The following CCDC136 variants were observed in gnomAD, a reference collection of about 807,000 sequenced individuals.
The protein encoded by CCDC136 is coiled-coil domain-containing protein 136.
In CCDC136, 100 loss-of-function variants were observed where a neutral mutation model predicts 141.2. The ratio of observed to expected loss-of-function variants is 0.71; its 90% CI spans 0.60 to 0.84. The LOEUF (loss-of-function observed/expected upper bound fraction) is 0.84. Among genes scored for constraint, CCDC136 ranks in the 40% least tolerant of loss-of-function variants. CCDC136 has a pLI of 0.00. For missense variants in CCDC136, 1,206 were observed against 1,379.4 expected (o/e 0.87, Z 1.99); for synonymous variants, 474 against 531.9 (o/e 0.89, Z 1.50).
At chr7:128,791,734 T>G, upstream of CCDC136, 1 of 426,882 alleles carries the variant, frequency 2.3e-6, no homozygotes. This position sits in a 1 kb window ranked among gnomAD's most constrained non-coding sequence, Gnocchi z 7.1. Flanking sequence ...GGACTGAGGC[T>G]TCCGCGCACC....
chr7:128,805,856 T>G lies in CCDC136; in HGVS notation c.1044T>G (p.Ala348=), dbSNP rs1246990652. ...QRRLQRELKC[A]QNEVLRFQTS... ...GGCTGCAGAGGGAGCTCAAGTGTGC[T>G]CAGAATGAGGTGCTTCGGTTTCAGA... The change falls in exon 7 of 18, where the codon GCT becomes GCG. Residue 348 remains alanine (A), a synonymous_variant. Coordinates refer to ENST00000297788, the MANE Select transcript of CCDC136 (RefSeq NM_022742.5). This position sits in a 1 kb window ranked among gnomAD's most constrained non-coding sequence, Gnocchi z 4.6. 17 of 1,613,804 alleles carry G rather than the reference T, an allele frequency of 1.1e-5. No individual in the cohort carries two copies. Among genetic ancestry groups the G allele is most frequent in the Non-Finnish European group, 1.4e-5 (17 of 1,179,900 alleles).
At chr7:128,796,722 A>AATATATATATATATATATATATATATAT (rs149502865) in intron 3 of CCDC136, among the ~76,000 whole-genome samples, 6 of 120,720 alleles carry the variant, frequency 5.0e-5, no homozygotes, top group African/African-American at 8.6e-5. Context: ...GATGATTCAG[A>AATATATATATATATATATATATATATAT]ATATATATAT....
At position 128,806,762 on chromosome 7, in the gene CCDC136, A is replaced by G. The variant is rs1585091165; in HGVS notation, c.1323A>G (p.Glu441=). ...CATGTGAGAAGGAAAAGCTGCTGGAACGGCAGCAGCAGCTGCAGGAGGAGC... is the reference window on the plus strand; with the variant it reads ...CATGTGAGAAGGAAAAGCTGCTGGAGCGGCAGCAGCAGCTGCAGGAGGAGC... ...NVTCEKEKLL[E]RQQQLQEELQ... is the part of the protein sequence containing the mutation. The change falls in exon 9 of 18, where the codon GAA becomes GAG. Residue 441 remains glutamate (E), a synonymous_variant. Transcript: ENST00000297788. 6.2e-7 allele frequency: 1 copy of G among 1,611,556 alleles called. No individual in the cohort carries two copies. The highest frequency in any genetic ancestry group is 1.3e-5 in the African/African-American group (1 of 75,026).
chr7:128,819,535 C>T (rs1807153155), intron 17 of CCDC136, among the ~76,000 whole-genome samples: 1 of 152,076 alleles, frequency 6.6e-6, no homozygotes, highest in African/African-American at 2.4e-5. Context: ...TATAAAATAC[C>T]CCATCATTAA....
Position 128,806,865 on chromosome 7 carries a change from G to A in CCDC136, c.1419+7G>A. 1 of 1,594,096 alleles carries A rather than the reference G, an allele frequency of 6.3e-7. No individual in the cohort carries two copies. Among genetic ancestry groups the A allele is most frequent in the Non-Finnish European group, 8.6e-7 (1 of 1,168,698 alleles). On this transcript the variant is annotated splice_region_variant and intron_variant, in intron 9 of 17. Coordinates refer to ENST00000297788, the MANE Select transcript of CCDC136 (RefSeq NM_022742.5). ...CAAAGAGAGCAATGAGAAGGTAAAA[G>A]AAGCTCCTGGTGAGGGAGGATGTAG...
Position 128,821,904 on chromosome 7 carries a change from G to A in CCDC136, c.*111G>A, listed in dbSNP as rs1177356414. ...GCAGGAGTCAGAGTTCTGCCTCATGGAGTGATGGCAGACCTTGGCCAGCGC... is the reference window on the plus strand; with the variant it reads ...GCAGGAGTCAGAGTTCTGCCTCATGAAGTGATGGCAGACCTTGGCCAGCGC... On this transcript the variant is annotated 3_prime_UTR_variant, in exon 18 of 18. Coordinates refer to ENST00000297788, the MANE Select transcript of CCDC136 (RefSeq NM_022742.5). The surrounding 1 kb of genome is among the most constrained non-coding windows in gnomAD (Gnocchi z 5.1). 7.8e-7 allele frequency: 1 copy of A among 1,289,944 alleles called. No homozygotes were observed. Among genetic ancestry groups the A allele is most frequent in the African/African-American group, 1.5e-5 (1 of 65,976 alleles). 79.9% of individuals were successfully genotyped at this position (1,289,944 alleles called of 1,614,324 possible). A position where few individuals can be genotyped will look rare whatever the true frequency, so the allele number is the denominator to read the frequency against.
chr7:128,792,346 T>C lies in CCDC136; in HGVS notation c.-66T>C, dbSNP rs1329157908. 1 of 1,425,150 alleles carries C rather than the reference T, an allele frequency of 7.0e-7. No homozygotes were observed. The highest frequency in any genetic ancestry group is 9.4e-7 in the Non-Finnish European group (1 of 1,064,400). The allele number at this position is 1,425,150 out of a possible 1,614,324, so 88.3% of individuals were successfully genotyped here. ...ACCCACAGTGACCACTCTAGGCTCC[T>C]ATGAGGCTTCCGAGGGCTGTGAGAG... On this transcript the variant is annotated 5_prime_UTR_variant, in exon 1 of 18. Transcript: ENST00000297788.
At position 128,806,695 on chromosome 7, in the gene CCDC136, T is replaced by C. The variant is rs925478575; in HGVS notation, c.1256T>C (p.Leu419Pro). Residue 419 changes from leucine (L) to proline (P), a missense_variant, in exon 9 of 18, where the codon CTG becomes CCG. Transcript: ENST00000297788. ...LVENQSEKEL[L>P]CRLQKLHLQH... is the part of the protein sequence containing the mutation. Reference sequence around the variant, plus strand: ...AAGCCCCCTCTACCATAGGAGTTACTGTGCCGGCTGCAGAAGCTGCACCTC... The same window carrying C: ...AAGCCCCCTCTACCATAGGAGTTACCGTGCCGGCTGCAGAAGCTGCACCTC... The C allele has an allele frequency of 3.1e-6, 5 of 1,610,010 alleles. No individual in the cohort carries two copies. In the South Asian group the frequency reaches 3.3e-5, roughly 11 times the overall value.
At chr7:128,792,853 G>T (rs1334212749) in intron 1 of CCDC136, among the ~76,000 whole-genome samples, 2 of 152,234 alleles carry the variant, frequency 1.3e-5, no homozygotes, top group Non-Finnish European at 2.9e-5. Context: ...GAAGCCTGTG[G>T]CTTTGGTTCT....
At position 128,809,628 on chromosome 7, in the gene CCDC136, G is replaced by C. The variant is rs927476087; in HGVS notation, c.1784G>C (p.Ser595Thr). 10 of 1,537,282 alleles carry C rather than the reference G, an allele frequency of 6.5e-6. No individual in the cohort carries two copies. The highest frequency in any genetic ancestry group is 8.8e-6 in the Non-Finnish European group (10 of 1,140,500). The change falls in exon 11 of 18, where the codon AGT (serine) becomes ACT (threonine). Residue 595 changes from serine to threonine, a missense_variant. Transcript: ENST00000297788. Reference sequence around the variant, plus strand: ...AGGCTCACACTGCCACTGCCAAAGAGTGGCCTCTTACTCAAGGTAACTCTG... The same window carrying C: ...AGGCTCACACTGCCACTGCCAAAGACTGGCCTCTTACTCAAGGTAACTCTG... ...LHRLTLPLPK[S>T]GLLLKSQELL...
At chr7:128,806,893 A>G in intron 9 of CCDC136, 35 bp downstream of exon 9, 8 of 1,563,332 alleles carry the variant, frequency 5.1e-6, no homozygotes, top group Non-Finnish European at 6.9e-6. Context: ...GGATGTAGCC[A>G]GGCATCATCT....
rs1033244598 is a variant in CCDC136 at position 128,794,558 on chromosome 7, G to A, written c.227G>A (p.Arg76Gln). 6.4e-6 allele frequency: 10 copies of A among 1,557,042 alleles called. No homozygotes were observed. Among genetic ancestry groups the A allele is most frequent in the African/African-American group, 1.4e-5 (1 of 73,308 alleles). ...LQLVAELEETRELAGQHEDDS... is the reference protein window; with the variant it reads ...LQLVAELEETQELAGQHEDDS... ...CTGGTGGCAGAACTGGAGGAGACCCGGGAACTGGCAGGGCAGCATGAGGAT... is the reference window on the plus strand; with the variant it reads ...CTGGTGGCAGAACTGGAGGAGACCCAGGAACTGGCAGGGCAGCATGAGGAT... The change falls in exon 2 of 18, where the codon CGG becomes CAG. Residue 76 changes from arginine to glutamine, a missense_variant. Coordinates refer to ENST00000297788, the MANE Select transcript of CCDC136 (RefSeq NM_022742.5). This position sits in a 1 kb window ranked among gnomAD's most constrained non-coding sequence, Gnocchi z 4.3.
At chr7:128,812,592 G>T (rs1005112083) in intron 13 of CCDC136, 116 bp from the exon 14 acceptor site, 6 of 810,262 alleles carry the variant, frequency 7.4e-6, no homozygotes, top group South Asian at 1.6e-5. Flanking sequence ...GTAATCCCCC[G>T]CGGGCATCTC....
Position 128,817,753 on chromosome 7 carries a change from T to TG in CCDC136, c.3364-4dup. ...GTGCTTCTTTCTCATTTTGGTGTGT[T>TG]GCAGTCATCCCCTACCCCCAATCCC... On this transcript the variant is annotated splice_region_variant and splice_polypyrimidine_tract_variant and intron_variant, in intron 16 of 17. Transcript: ENST00000297788. This position sits in a 1 kb window ranked among gnomAD's most constrained non-coding sequence, Gnocchi z 4.6. 3 of 1,605,536 alleles carry TG rather than the reference T, an allele frequency of 1.9e-6. No homozygotes were observed. The highest frequency in any genetic ancestry group is 2.6e-6 in the Non-Finnish European group (3 of 1,172,204).
At chr7:128,796,740 T>TG (rs61079649) in intron 3 of CCDC136, among the ~76,000 whole-genome samples, 2 of 124,766 alleles carry the variant, frequency 1.6e-5, no homozygotes, top group Non-Finnish European at 3.2e-5. Context: ...TATATATATA[T>TG]TCTTTTTTTT....
chr7:128,814,612 G>C (rs748853453), intron 14 of CCDC136, 26 bp from the exon 15 acceptor site: 12 of 1,514,680 alleles, frequency 7.9e-6, no homozygotes, highest in Non-Finnish European at 9.7e-6. Context: ...GCCAACTCTG[G>C]GTAACTGGCC....
At chr7:128,803,212 C>T (rs1804306974) in intron 4 of CCDC136, among the ~76,000 whole-genome samples, 1 of 152,210 alleles carries the variant, frequency 6.6e-6, no homozygotes, top group Admixed American at 6.5e-5. Flanking sequence ...TGCTCTGTTA[C>T]CCAGGCTGGT....
chr7:128,815,584 C>A, intron 15 of CCDC136, 30 bp from the exon 16 acceptor site: 1 of 1,531,884 alleles, frequency 6.5e-7, no homozygotes, highest in Non-Finnish European at 8.8e-7. Context: ...GGTAACGCAG[C>A]CGCCATCCTG....
At chr7:128,796,739 A>ATATATATATATATTTTTTTTTTTTT in intron 3 of CCDC136, among the ~76,000 whole-genome samples, 2 of 113,376 alleles carry the variant, frequency 1.8e-5, no homozygotes, top group Non-Finnish European at 3.3e-5. Context: ...ATATATATAT[A>ATATATATATATATTTTTTTTTTTTT]TTCTTTTTTT....
Sources: gnomAD v4.1 joint callset for allele counts (sites outside exome capture counted in the v4.1 genomes callset) on GRCh38, gnomAD v4.1.1 for gene constraint, Gnocchi (gnomAD v3.1) non-coding constraint, MANE v1.5 for transcripts, NCBI Gene and HGNC (gene_info 2026-07-23, HGNC 2026-07-21) for gene names.